Variants in ACAP2 observed in about 807,000 individuals in gnomAD.
ACAP2 encodes the protein arf-GAP with coiled-coil, ANK repeat and PH domain-containing protein 2.
A neutral mutation model predicts 115.8 loss-of-function variants in ACAP2; 39 were observed. That is an observed-to-expected ratio of 0.34 (90% confidence interval 0.26 to 0.44). The LOEUF (loss-of-function observed/expected upper bound fraction) is 0.44. Ranked by LOEUF, ACAP2 falls within the 20% of genes least tolerant of loss-of-function variation. The pLI, the probability that ACAP2 is intolerant of heterozygous loss-of-function variation, is 1.00. For missense variants in ACAP2, 662 were observed against 927.6 expected, an observed-to-expected ratio of 0.71 and a Z score of 3.72; for synonymous variants, 289 against 315.8, an observed-to-expected ratio of 0.92 and a Z score of 0.90.
chr3:195,307,643 T>C (rs1728506286), intron 11 of ACAP2, among the ~76,000 whole-genome samples: 1 of 152,180 alleles, frequency 6.6e-6, no homozygotes, highest in Non-Finnish European at 1.5e-5. Flanking sequence ...TTCACTCTCC[T>C]GGTCCCCACT....
intron 1 of ACAP2, among the ~76,000 whole-genome samples, chr3:195,431,573 G>C (rs1715125637): frequency 6.6e-6 from 1 of 151,566 alleles, no homozygotes; most frequent in Non-Finnish European, 1.5e-5. Context: ...GAGTAGCTGG[G>C]ACTACAGGTA....
chr3:195,362,159 C>CA (rs1306821181), intron 4 of ACAP2, among the ~76,000 whole-genome samples: 2 of 151,618 alleles, frequency 1.3e-5, no homozygotes, highest in Non-Finnish European at 1.5e-5. Flanking sequence ...ACTAAAAATA[C>CA]AAAAAAATTA....
chr3:195,335,281 CAT>C (rs1379755260), intron 7 of ACAP2, among the ~76,000 whole-genome samples: 2 of 152,092 alleles, frequency 1.3e-5, no homozygotes, highest in African/African-American at 2.4e-5. Flanking sequence ...TTACAAAAAA[CAT>C]GTGCCAACCC....
In ACAP2 at chr3:195,389,363, A is replaced by C. The variant is rs540076671; in HGVS notation, c.111+2727T>G. On this transcript the variant is annotated intron_variant, in intron 2 of 22. Coordinates refer to ENST00000326793, the MANE Select transcript of ACAP2 (RefSeq NM_012287.6). The stretch of plus-strand genomic sequence containing the variant: ...AGCAAAAACACTGTCAGTGGATTCT[A>C]TCTGTTTAGGTATTTTAAAGTCTGA... 1.4e-4 allele frequency among the ~76,000 whole-genome samples: 22 copies of C among 152,358 alleles called. No individual in the cohort carries two copies. In the South Asian group the frequency reaches 3.9e-3, roughly 27 times the overall value.
At chr3:195,334,972 G>A (rs1730407792) in intron 7 of ACAP2, among the ~76,000 whole-genome samples, 1 of 152,056 alleles carries the variant, frequency 6.6e-6, no homozygotes, top group Admixed American at 6.5e-5. Context: ...ATTCCTTCAA[G>A]GTCAGTAAAC....
chr3:195,324,321 T>C (rs966253691), intron 9 of ACAP2, among the ~76,000 whole-genome samples: 2 of 152,164 alleles, frequency 1.3e-5, no homozygotes, highest in Non-Finnish European at 2.9e-5. Flanking sequence ...TATATGGAAA[T>C]GTGATATATA....
intron 4 of ACAP2, among the ~76,000 whole-genome samples, chr3:195,364,257 T>C (rs568454751): frequency 5.9e-5 from 9 of 152,264 alleles, no homozygotes; most frequent in African/African-American, 2.2e-4. Flanking sequence ...AAAAATCTAA[T>C]AATCTAATTA....
intron 4 of ACAP2, among the ~76,000 whole-genome samples, chr3:195,375,242 A>T (rs1733445822): frequency 6.6e-6 from 1 of 152,116 alleles, no homozygotes; most frequent in Non-Finnish European, 1.5e-5. Context: ...TGTTATACAC[A>T]TTCAATACAT....
intron 4 of ACAP2, among the ~76,000 whole-genome samples, chr3:195,349,252 C>T (rs1731383068): frequency 6.6e-6 from 1 of 152,044 alleles, no homozygotes. Flanking sequence ...GAGGCCAAAG[C>T]GGGCAGATCA....
chr3:195,384,186 G>C (rs543956161), intron 2 of ACAP2, among the ~76,000 whole-genome samples: 43 of 151,902 alleles, frequency 2.8e-4, no homozygotes, highest in Admixed American at 2.8e-3. Context: ...TATTCACTGC[G>C]GTAACAGTAA....
chr3:195,328,315 T>C (rs1027363495), intron 8 of ACAP2, among the ~76,000 whole-genome samples: 2 of 152,196 alleles, frequency 1.3e-5, no homozygotes, highest in African/African-American at 2.4e-5. Context: ...TTTTAAAAAG[T>C]CTTTTTCAAA....
chr3:195,341,011 T>C (rs1730829547), intron 6 of ACAP2, among the ~76,000 whole-genome samples: 1 of 152,230 alleles, frequency 6.6e-6, no homozygotes, highest in Admixed American at 6.5e-5. Flanking sequence ...TTTGGTTACT[T>C]GTATTTTTTC....
chr3:195,322,576 A>G (rs1365531561), intron 9 of ACAP2, among the ~76,000 whole-genome samples: 2 of 152,178 alleles, frequency 1.3e-5, no homozygotes, highest in Non-Finnish European at 2.9e-5. Flanking sequence ...AAATTGCTAC[A>G]TTGCTTCCTA....
chr3:195,391,090 A>G (rs919009226), intron 2 of ACAP2, among the ~76,000 whole-genome samples: 3 of 152,188 alleles, frequency 2.0e-5, no homozygotes, highest in African/African-American at 7.2e-5. Flanking sequence ...AATGGAATTA[A>G]TATTTTAAAT....
intron 21 of ACAP2, among the ~76,000 whole-genome samples, chr3:195,286,780 G>A (rs1355456241): frequency 6.6e-6 from 1 of 152,194 alleles, no homozygotes; most frequent in African/African-American, 2.4e-5. Flanking sequence ...CTCACACAAA[G>A]TAAAACAAGA....
intron 1 of ACAP2, among the ~76,000 whole-genome samples, chr3:195,408,928 GAAT>G (rs1212401451): frequency 2.0e-5 from 3 of 151,622 alleles, no homozygotes; most frequent in Admixed American, 2.0e-4. Context: ...TAACAAAAAG[GAAT>G]AAAAGGAAAC....
chr3:195,308,701 G>C, intron 11 of ACAP2, 85 bp downstream of exon 11: 1 of 1,055,604 alleles, frequency 9.5e-7, no homozygotes, highest in South Asian at 1.5e-5. Context: ...TTACACAAAT[G>C]AGTATGTATA....
At chr3:195,396,858 C>A in intron 1 of ACAP2, among the ~76,000 whole-genome samples, 1 of 142,630 alleles carries the variant, frequency 7.0e-6, no homozygotes, top group Non-Finnish European at 1.5e-5. Flanking sequence ...CATTTAAAAT[C>A]CTTAAAAACT....
intron 4 of ACAP2, among the ~76,000 whole-genome samples, chr3:195,371,383 G>A (rs1317342159): frequency 6.6e-6 from 1 of 152,128 alleles, no homozygotes; most frequent in Admixed American, 6.5e-5. Flanking sequence ...GTACAGAAAT[G>A]CTACTAATTT....
Sources: allele counts gnomAD v4.1 joint callset (sites outside exome capture counted in the v4.1 genomes callset), GRCh38; gene constraint gnomAD v4.1.1; transcripts MANE v1.5; gene names NCBI Gene and HGNC (gene_info 2026-07-23, HGNC 2026-07-21).